Variants in CCDC7 observed in about 807,000 individuals in gnomAD.
CCDC7 encodes the protein coiled-coil domain containing 7.
A neutral mutation model predicts 196.9 loss-of-function variants in CCDC7; 183 were observed. That is an observed-to-expected ratio of 0.93 (90% CI 0.82 to 1.05). The LOEUF (loss-of-function observed/expected upper bound fraction) is 1.05, where lower values mean the gene tolerates loss of function less well. CCDC7 is among the 50% of genes least tolerant of loss of function. The pLI is 0.00. For synonymous variants in CCDC7, 525 were observed against 484.6 expected, an observed-to-expected ratio of 1.08 and a Z score of -1.10; for missense variants, 1,540 against 1,482.2, an observed-to-expected ratio of 1.04 and a Z score of -0.64.
At chr10:32,708,333 A>T (rs1282820947) in intron 24 of CCDC7, among the ~76,000 whole-genome samples, 2 of 152,236 alleles carry the variant, frequency 1.3e-5, no homozygotes, top group Non-Finnish European at 2.9e-5. Context: ...ACATGGATTA[A>T]AGACTTAAAT....
intron 24 of CCDC7, among the ~76,000 whole-genome samples, chr10:32,699,524 G>A (rs1237687753): frequency 6.7e-6 from 1 of 148,902 alleles, no homozygotes; most frequent in South Asian, 2.1e-4. Flanking sequence ...ACGTGTGCAT[G>A]TGTCTTTATA....
intron 25 of CCDC7, among the ~76,000 whole-genome samples, chr10:32,722,340 T>C (rs1187582872): frequency 6.6e-6 from 1 of 152,128 alleles, no homozygotes; most frequent in Non-Finnish European, 1.5e-5. Flanking sequence ...GTGGGACCCA[T>C]GCATACTTTG....
chr10:32,825,422 G>A (rs1050584396), intron 32 of CCDC7, among the ~76,000 whole-genome samples: 1 of 152,174 alleles, frequency 6.6e-6, no homozygotes, highest in Non-Finnish European at 1.5e-5. Context: ...AACGTGAAAA[G>A]ACTAGACTGG....
At chr10:32,758,699 C>T (rs1488705215) in intron 28 of CCDC7, among the ~76,000 whole-genome samples, 2 of 152,138 alleles carry the variant, frequency 1.3e-5, no homozygotes, top group African/African-American at 4.8e-5. Flanking sequence ...GACAGGGATG[C>T]CCTCTTTCAC....
At chr10:32,852,025 AAC>A in intron 40 of CCDC7, 93 bp downstream of exon 41, 1 of 1,297,820 alleles carries the variant, frequency 7.7e-7, no homozygotes, top group Non-Finnish European at 1.0e-6. Flanking sequence ...TTAGTCATAT[AAC>A]AGTTTGGCAA....
At chr10:32,762,411 C>T (rs568333406) in intron 28 of CCDC7, among the ~76,000 whole-genome samples, 4 of 151,214 alleles carry the variant, frequency 2.6e-5, no homozygotes, top group Non-Finnish European at 5.9e-5. Context: ...TATATACTAC[C>T]CAGAGTCACA....
intron 19 of CCDC7, 77 bp downstream of exon 20, chr10:32,634,441 G>C: frequency 1.7e-6 from 1 of 571,814 alleles, no homozygotes; most frequent in Non-Finnish European, 2.5e-6. Context: ...CTGTCACCCA[G>C]GCTGGAGTGC....
chr10:32,494,554 C>T (rs1197933593), intron 9 of CCDC7, among the ~76,000 whole-genome samples: 1 of 152,144 alleles, frequency 6.6e-6, no homozygotes, highest in Non-Finnish European at 1.5e-5. Context: ...TAGGCCCCCA[C>T]CTGCTGACAG....
chr10:32,476,687 A>G (rs2039037094), intron 8 of CCDC7, among the ~76,000 whole-genome samples: 1 of 152,200 alleles, frequency 6.6e-6, no homozygotes. Context: ...GCAATTGAGG[A>G]GAATTCTTGT....
intron 19 of CCDC7, 69 bp downstream of exon 20, chr10:32,634,433 G>A: frequency 1.5e-6 from 1 of 656,896 alleles, no homozygotes; most frequent in Non-Finnish European, 2.1e-6. Flanking sequence ...GTCTCGCCCT[G>A]TCACCCAGGC....
intron 21 of CCDC7, 33 bp from the exon 23 acceptor site, chr10:32,685,937 A>AT (rs551185281): frequency 8.1e-7 from 1 of 1,241,416 alleles, no homozygotes; most frequent in East Asian, 2.5e-5. Flanking sequence ...CCATTTTTCT[A>AT]TTTAGTGGAA....
chr10:32,817,736 T>G (rs1489548248), intron 31 of CCDC7, among the ~76,000 whole-genome samples: 1 of 152,154 alleles, frequency 6.6e-6, no homozygotes, highest in Non-Finnish European at 1.5e-5. Flanking sequence ...CCAGCCAAAC[T>G]AAGCTTCATA....
downstream of CCDC7, among the ~76,000 whole-genome samples, chr10:32,879,128 A>G (rs902085544): frequency 6.6e-6 from 1 of 152,022 alleles, no homozygotes; most frequent in Non-Finnish European, 1.5e-5. Context: ...AACGTGTGCC[A>G]TCGTGGTTTG....
chr10:32,864,649 A>G (rs2094138758), intron 41 of CCDC7, among the ~76,000 whole-genome samples: 1 of 151,818 alleles, frequency 6.6e-6, no homozygotes, highest in East Asian at 1.9e-4. Flanking sequence ...TACAATATAT[A>G]CAAAACTCTG....
chr10:32,702,163 A>G (rs1303187911), intron 24 of CCDC7, among the ~76,000 whole-genome samples: 2 of 152,122 alleles, frequency 1.3e-5, no homozygotes, highest in African/African-American at 2.4e-5. Flanking sequence ...ATTTAGTGCT[A>G]TAAATTTCCC....
chr10:32,496,278 T>C (rs1350034387), intron 9 of CCDC7, among the ~76,000 whole-genome samples: 1 of 152,200 alleles, frequency 6.6e-6, no homozygotes, highest in Non-Finnish European at 1.5e-5. Flanking sequence ...CTTAAGGAGA[T>C]TTTGGGCTGA....
Position 32,533,778 on chromosome 10 carries a change from G to C in CCDC7, c.994-9522G>C, listed in dbSNP as rs931766592. Reference sequence around the variant, plus strand: ...TGAAAAGTCTGTTGCTAGGCAAATTGGAGCTTTTTAATATGTTATTTGCTT... The same window carrying C: ...TGAAAAGTCTGTTGCTAGGCAAATTCGAGCTTTTTAATATGTTATTTGCTT... On this transcript the variant is annotated intron_variant, in intron 11 of 41. Transcript: ENST00000639629. Among the ~76,000 whole-genome samples the C allele has an allele frequency of 7.2e-5, 11 of 152,086 alleles. 1 individual carries two copies. In the East Asian group the frequency reaches 2.1e-3, roughly 29 times the overall value.
At chr10:32,710,229 CT>C (rs1339208174) in intron 24 of CCDC7, among the ~76,000 whole-genome samples, 2 of 152,172 alleles carry the variant, frequency 1.3e-5, no homozygotes, top group Non-Finnish European at 2.9e-5. Flanking sequence ...CCTCTAAATT[CT>C]CCTAGATCAC....
chr10:32,835,591 C>A (rs79841780), intron 33 of CCDC7, among the ~76,000 whole-genome samples: 2 of 151,984 alleles, frequency 1.3e-5, no homozygotes, highest in African/African-American at 4.8e-5. Context: ...GAATAGTAAA[C>A]CAAATACTGC....
Sources: allele counts gnomAD v4.1 joint callset (sites outside exome capture counted in the v4.1 genomes callset), GRCh38; gene constraint gnomAD v4.1.1; transcripts MANE v1.5; gene names NCBI Gene and HGNC (gene_info 2026-07-23, HGNC 2026-07-21).